Variants in TIAL1 observed in about 807,000 individuals in gnomAD.
The protein encoded by TIAL1 is nucleolysin TIAR.
TIAL1 carries 7 observed loss-of-function variants against 59.7 expected under a neutral mutation model. That is an observed-to-expected ratio of 0.12 (90% CI 0.07 to 0.22). TIAL1 has a LOEUF of 0.22. Among genes scored for constraint, TIAL1 ranks in the 10% least tolerant of loss-of-function variants. The pLI, the probability that TIAL1 is intolerant of heterozygous loss-of-function variation, is 1.00. For missense variants in TIAL1, 225 were observed against 462.5 expected (o/e 0.49, Z 4.71); for synonymous variants, 149 against 146.3 (o/e 1.02, Z -0.13).
chr10:119,577,599 G>A lies in TIAL1; in HGVS notation c.652+42C>T, dbSNP rs368419609. 15 of 1,606,150 alleles carry A rather than the reference G, an allele frequency of 9.3e-6. No homozygotes were observed. In the African/African-American group the frequency reaches 1.3e-4, roughly 14 times the overall value. ...GTATCATGAAATTCATATGAACAGT[G>A]ATGAAGCTCCTCAGAGGTGATTAGA... On this transcript the variant is annotated intron_variant, in intron 8 of 11. Transcript: ENST00000436547.
intron 2 of TIAL1, among the ~76,000 whole-genome samples, chr10:119,585,989 G>C (rs1845554237): frequency 1.3e-5 from 2 of 151,774 alleles, no homozygotes; most frequent in South Asian, 4.1e-4. Flanking sequence ...AGCTTGTCCA[G>C]GGCTCAGACC....
At chr10:119,581,718 G>T in intron 5 of TIAL1, 1 of 445,470 alleles carries the variant, frequency 2.2e-6, no homozygotes, top group Non-Finnish European at 4.0e-6. Flanking sequence ...AGGATTAGAT[G>T]AAAACGAGAC....
intron 2 of TIAL1, among the ~76,000 whole-genome samples, chr10:119,584,873 G>A (rs544191860): frequency 4.6e-5 from 7 of 152,110 alleles, no homozygotes; most frequent in East Asian, 3.9e-4. Context: ...TTGGGAGGGC[G>A]AGGTGGGCGG....
intron 2 of TIAL1, among the ~76,000 whole-genome samples, chr10:119,587,414 C>A (rs1370786773): frequency 6.6e-6 from 1 of 152,212 alleles, no homozygotes; most frequent in Non-Finnish European, 1.5e-5. Context: ...CTCCAAGAAG[C>A]CGCTCACTGA....
intron 9 of TIAL1, 77 bp downstream of exon 9, chr10:119,577,374 C>T (rs1483805746): frequency 6.7e-7 from 1 of 1,484,884 alleles, no homozygotes; most frequent in Non-Finnish European, 9.2e-7. Flanking sequence ...ATAACAAACA[C>T]TGATACCCTG....
At chr10:119,596,078 G>A (rs1348610663) in intron 1 of TIAL1, among the ~76,000 whole-genome samples, 1 of 147,928 alleles carries the variant, frequency 6.8e-6, no homozygotes, top group Non-Finnish European at 1.5e-5. Context: ...CCCCGTGGGC[G>A]CCGGCAGCTC....
intron 2 of TIAL1, among the ~76,000 whole-genome samples, chr10:119,583,527 T>C (rs941555180): frequency 6.6e-6 from 1 of 152,200 alleles, no homozygotes; most frequent in African/African-American, 2.4e-5. Context: ...TACATATTTT[T>C]ATGTAAGGCT....
intron 5 of TIAL1, chr10:119,580,465 G>A: frequency 9.9e-7 from 1 of 1,015,048 alleles, no homozygotes; most frequent in Non-Finnish European, 1.2e-6. Flanking sequence ...AATTAAAAAG[G>A]CATACATGGC....
rs2133994367 is a variant in TIAL1 at position 119,589,257 on chromosome 10, G to A, written c.33-1009C>T. On this transcript the variant is annotated intron_variant, in intron 1 of 11. Coordinates refer to ENST00000436547, the MANE Select transcript of TIAL1 (RefSeq NM_003252.4). The stretch of plus-strand genomic sequence containing the variant: ...GTCTCACTCTGTCACCCAGGCTGGA[G>A]TGCAGTGGCATGATCTCAGCTCACT... 2.0e-5 allele frequency among the ~76,000 whole-genome samples: 3 copies of A among 152,328 alleles called. No homozygotes were observed. In the South Asian group the frequency reaches 6.2e-4, roughly 32 times the overall value.
chr10:119,581,132 G>A (rs906119693), intron 5 of TIAL1, among the ~76,000 whole-genome samples: 2 of 152,000 alleles, frequency 1.3e-5, no homozygotes, highest in African/African-American at 4.8e-5. Flanking sequence ...GTAGTACTAA[G>A]ATGTTTAATT....
At chr10:119,583,760 A>G (rs1007289166) in intron 2 of TIAL1, among the ~76,000 whole-genome samples, 21 of 152,332 alleles carry the variant, frequency 1.4e-4, no homozygotes, top group African/African-American at 4.8e-4. Context: ...AGGGAAAAAA[A>G]GTGGGATCGT....
At chr10:119,588,127 G>A (rs1299563884) in intron 2 of TIAL1, 25 bp downstream of exon 2, 10 of 1,383,340 alleles carry the variant, frequency 7.2e-6, no homozygotes, top group Admixed American at 4.6e-5. Context: ...CTAATTGTCA[G>A]CACATGGAAC....
At chr10:119,581,737 A>G in intron 5 of TIAL1, 185 bp downstream of exon 5, 2 of 505,592 alleles carry the variant, frequency 4.0e-6, no homozygotes, top group Non-Finnish European at 6.9e-6. Context: ...ACCCCAAGAC[A>G]CTGAAATGAC....
At chr10:119,578,545 C>T (rs1845143789) in intron 7 of TIAL1, among the ~76,000 whole-genome samples, 181 bp downstream of exon 7, 1 of 152,070 alleles carries the variant, frequency 6.6e-6, no homozygotes, top group African/African-American at 2.4e-5. Flanking sequence ...GTGAAAGGAT[C>T]ACTTATACCC....
Position 119,582,708 on chromosome 10 carries a change from T to A in TIAL1, c.130-151A>T. The A allele has an allele frequency of 1.5e-6, 2 of 1,296,528 alleles. No individual in the cohort carries two copies. Among genetic ancestry groups the A allele is most frequent in the Non-Finnish European group, 2.0e-6 (2 of 984,444 alleles). 80.3% of individuals were successfully genotyped at this position (1,296,528 alleles called of 1,614,324 possible). A position where few individuals can be genotyped will look rare whatever the true frequency, so the allele number is the denominator to read the frequency against. On this transcript the variant is annotated intron_variant, in intron 2 of 11. Coordinates refer to ENST00000436547, the MANE Select transcript of TIAL1 (RefSeq NM_003252.4). This position sits in a 1 kb window ranked among gnomAD's most constrained non-coding sequence, Gnocchi z 5.1. ...AGCCTAACACTTTTTAAATAAGATT[T>A]AAAGCTAAACCTGACTTTGCACCTC... is the stretch of plus-strand genomic sequence containing the variant.
intron 1 of TIAL1, chr10:119,591,840 T>C (rs1363366911): frequency 1.3e-5 from 2 of 152,246 alleles, no homozygotes; most frequent in Admixed American, 1.3e-4. Flanking sequence ...TCGTGCATCA[T>C]AACACTTGAG....
chr10:119,575,532 T>G lies in TIAL1; in HGVS notation c.*133A>C. On this transcript the variant is annotated 3_prime_UTR_variant, in exon 12 of 12. Coordinates refer to ENST00000436547, the MANE Select transcript of TIAL1 (RefSeq NM_003252.4). Reference sequence around the variant, plus strand: ...CACGTGTCCTTCACCAAAGCAAATCTGTGCTAAAGGTTCCAAACATTTCAA... The same window carrying G: ...CACGTGTCCTTCACCAAAGCAAATCGGTGCTAAAGGTTCCAAACATTTCAA... 8.2e-7 allele frequency: 1 copy of G among 1,225,636 alleles called. No homozygotes were observed. Among genetic ancestry groups the G allele is most frequent in the Non-Finnish European group, 1.1e-6 (1 of 878,384 alleles). The allele number at this position is 1,225,636 out of a possible 1,614,324, so 75.9% of individuals were successfully genotyped here. A position where few individuals can be genotyped will look rare whatever the true frequency, so the allele number is the denominator to read the frequency against.
At chr10:119,575,891 A>T in intron 11 of TIAL1, 100 bp from the exon 12 acceptor site, 2 of 1,236,268 alleles carry the variant, frequency 1.6e-6, no homozygotes, top group Non-Finnish European at 2.2e-6. Context: ...AGAATAGAAA[A>T]CCAGAAATCA....
Position 119,582,058 on chromosome 10 carries a change from A to G in TIAL1, c.284-49T>C. 6.2e-7 allele frequency: 1 copy of G among 1,607,644 alleles called. No individual in the cohort carries two copies. The highest frequency in any genetic ancestry group is 8.5e-7 in the Non-Finnish European group (1 of 1,174,860). On this transcript the variant is annotated intron_variant, in intron 4 of 11. Coordinates refer to ENST00000436547, the MANE Select transcript of TIAL1 (RefSeq NM_003252.4). The surrounding 1 kb of genome is among the most constrained non-coding windows in gnomAD (Gnocchi z 5.1). ...CAAATACTTAAGAAGTCAGCCACTA[A>G]AACCTTTTTAAGGCAACTCTAGAGG...
Sources: allele counts gnomAD v4.1 joint callset (sites outside exome capture counted in the v4.1 genomes callset), GRCh38; gene constraint gnomAD v4.1.1; non-coding constraint Gnocchi (gnomAD v3.1); transcripts MANE v1.5; gene names NCBI Gene and HGNC (gene_info 2026-07-23, HGNC 2026-07-21).